The following CTIF variants were observed in gnomAD, a reference collection of about 807,000 sequenced individuals.
The protein encoded by CTIF is CBP80/20-dependent translation initiation factor.
Under a neutral mutation model 66.0 loss-of-function variants are expected in CTIF, and 21 were observed. That is an observed-to-expected ratio of 0.32 (90% CI 0.23 to 0.46). CTIF has a LOEUF of 0.46. CTIF is among the 20% of genes least tolerant of loss of function. The pLI, the probability that CTIF is intolerant of heterozygous loss-of-function variation, is 1.00. For synonymous variants in CTIF, 345 were observed against 326.4 expected (o/e 1.06, Z -0.62); for missense variants, 739 against 812.7 (o/e 0.91, Z 1.10).
chr18:48,856,654 A>G (rs1464346875), intron 10 of CTIF, among the ~76,000 whole-genome samples: 1 of 152,248 alleles, frequency 6.6e-6, no homozygotes, highest in Non-Finnish European at 1.5e-5. Context: ...AGTCAATCAC[A>G]AAAGGCCACA....
At chr18:48,713,859 C>T (rs1322485664) in intron 7 of CTIF, among the ~76,000 whole-genome samples, 1 of 152,192 alleles carries the variant, frequency 6.6e-6, no homozygotes, top group African/African-American at 2.4e-5. Flanking sequence ...CCATTTGGGG[C>T]AACACTGTGC....
At chr18:48,669,790 CATTTATAT>C (rs1380729080) in intron 5 of CTIF, among the ~76,000 whole-genome samples, 397 of 35,962 alleles carry the variant, frequency 0.011, 42 homozygotes, top group Middle Eastern at 0.048. Context: ...ACAAGCTAAA[CATTTATAT>C]ATATATATAT....
intron 2 of CTIF, among the ~76,000 whole-genome samples, chr18:48,634,498 G>A (rs534959945): frequency 6.6e-6 from 1 of 152,210 alleles, no homozygotes; most frequent in Non-Finnish European, 1.5e-5. Context: ...ACCAACTCTT[G>A]ACCTGAGGCT....
At chr18:48,638,370 C>CT (rs35775540) in intron 3 of CTIF, among the ~76,000 whole-genome samples, 1 of 152,162 alleles carries the variant, frequency 6.6e-6, no homozygotes, top group East Asian at 1.9e-4. Context: ...ATGAAGAGTC[C>CT]TTTTTCCTCT....
chr18:48,740,787 G>A (rs1222880700), intron 7 of CTIF, among the ~76,000 whole-genome samples: 7 of 152,030 alleles, frequency 4.6e-5, no homozygotes, highest in African/African-American at 1.2e-4. Flanking sequence ...CTGCCTACCC[G>A]TGGTCAACTC....
At chr18:48,626,656 G>GTTTTTT (rs61179877) in intron 2 of CTIF, among the ~76,000 whole-genome samples, 1 of 108,060 alleles carries the variant, frequency 9.3e-6, no homozygotes, top group African/African-American at 3.6e-5. Context: ...TTTTTTTTTT[G>GTTTTTT]TTTTTTTTTT....
intron 9 of CTIF, among the ~76,000 whole-genome samples, chr18:48,812,753 C>CAAAAAAAAAAAAAAAAAAA (rs751864883): frequency 1.5e-5 from 1 of 67,676 alleles, no homozygotes. Context: ...GACCCTGTCT[C>CAAAAAAAAAAAAAAAAAAA]AAAAAAAAAA....
intron 1 of CTIF, among the ~76,000 whole-genome samples, chr18:48,613,994 G>A (rs1159577298): frequency 2.0e-5 from 3 of 152,192 alleles, no homozygotes; most frequent in Admixed American, 6.5e-5. Flanking sequence ...GCAGGGAATC[G>A]GAGCAGAGCC....
chr18:48,569,462 AAAAAAAAC>A (rs1307767841), intron 1 of CTIF, among the ~76,000 whole-genome samples: 5 of 151,528 alleles, frequency 3.3e-5, no homozygotes, highest in East Asian at 3.8e-4. Flanking sequence ...TCATAAATGA[AAAAAAAAC>A]AAAAAAACAA....
At chr18:48,675,032 A>T (rs1337522031) in intron 6 of CTIF, among the ~76,000 whole-genome samples, 1 of 15,712 alleles carries the variant, frequency 6.4e-5, no homozygotes, top group African/African-American at 2.6e-4. Context: ...AAGAACACTG[A>T]TGGGGTGGTG....
At chr18:48,611,002 G>A (rs1028556914) in intron 1 of CTIF, among the ~76,000 whole-genome samples, 3 of 152,216 alleles carry the variant, frequency 2.0e-5, no homozygotes, top group Admixed American at 6.5e-5. Flanking sequence ...ACTAAGGGAA[G>A]GAAGGTGACT....
chr18:48,604,725 C>A (rs2090172021), intron 1 of CTIF, among the ~76,000 whole-genome samples: 1 of 152,110 alleles, frequency 6.6e-6, no homozygotes, highest in Non-Finnish European at 1.5e-5. Context: ...TATGTGTGAC[C>A]TTTACCACCT....
chr18:48,758,559 A>AGTGTGGTTGGTC, intron 8 of CTIF, 154 bp downstream of exon 8: 3 of 914,732 alleles, frequency 3.3e-6, no homozygotes, highest in Non-Finnish European at 4.9e-6. Flanking sequence ...TGTGGGGACC[A>AGTGTGGTTGGTC]ACCACACTGG....
chr18:48,658,096 G>A (rs1359640047), intron 3 of CTIF, among the ~76,000 whole-genome samples: 1 of 152,110 alleles, frequency 6.6e-6, no homozygotes, highest in Non-Finnish European at 1.5e-5. Flanking sequence ...TTGGACATTC[G>A]AGGGTTTGTA....
intron 3 of CTIF, among the ~76,000 whole-genome samples, chr18:48,652,066 T>A (rs1027287692): frequency 6.6e-6 from 1 of 151,892 alleles, no homozygotes; most frequent in African/African-American, 2.4e-5. Context: ...ACATCACAAT[T>A]AAAAGAACTA....
chr18:48,856,417 A>G (rs1029208684), intron 10 of CTIF, among the ~76,000 whole-genome samples: 1 of 152,242 alleles, frequency 6.6e-6, no homozygotes, highest in Non-Finnish European at 1.5e-5. Flanking sequence ...TGTAATATCC[A>G]GGAGAATTGA....
chr18:48,776,118 C>T (rs1910645345), intron 9 of CTIF, among the ~76,000 whole-genome samples: 1 of 152,202 alleles, frequency 6.6e-6, no homozygotes, highest in Non-Finnish European at 1.5e-5. Context: ...GGCCTCTGAA[C>T]CCTGGGGTTT....
chr18:48,669,791 AT>A (rs35796033), intron 5 of CTIF, among the ~76,000 whole-genome samples: 1 of 34,608 alleles, frequency 2.9e-5, no homozygotes, highest in Non-Finnish European at 6.7e-5. Flanking sequence ...CAAGCTAAAC[AT>A]TTATATATAT....
At chr18:48,753,216 C>A (rs1178620160) in intron 7 of CTIF, among the ~76,000 whole-genome samples, 1 of 152,178 alleles carries the variant, frequency 6.6e-6, no homozygotes, top group Non-Finnish European at 1.5e-5. Context: ...GTTTTAAAAC[C>A]ACTTGCCCTA....
Sources: gnomAD v4.1 joint callset for allele counts (sites outside exome capture counted in the v4.1 genomes callset) on GRCh38, gnomAD v4.1.1 for gene constraint, MANE v1.5 for transcripts, NCBI Gene and HGNC (gene_info 2026-07-23, HGNC 2026-07-21) for gene names.